Variants in ADK observed in about 807,000 individuals in gnomAD.
The protein encoded by ADK is N6,N6-dimethyladenosine kinase.
ADK carries 24 observed loss-of-function variants against 44.7 expected under a neutral mutation model. The observed-to-expected ratio is 0.54, with a 90% CI of 0.39 to 0.76. The LOEUF (loss-of-function observed/expected upper bound fraction) is 0.76, where lower values mean the gene tolerates loss of function less well. Ranked by LOEUF, ADK falls within the 30% of genes least tolerant of loss-of-function variation. The probability of loss-of-function intolerance (pLI) is 0.00; values close to 1 mark genes in which losing one functional copy is unlikely to be tolerated. For synonymous variants in ADK, 128 were observed against 142.6 expected (o/e 0.90, Z 0.73); for missense variants, 321 against 425.1 (o/e 0.76, Z 2.15).
intron 10 of ADK, among the ~76,000 whole-genome samples, chr10:74,678,866 C>T (rs768672289): frequency 7.9e-5 from 12 of 152,200 alleles, no homozygotes; most frequent in Non-Finnish European, 1.5e-4. Context: ...CTAAAATTCT[C>T]TCAGCTGCTA....
chr10:74,610,792 C>CTACTAATGA (rs1156770038), intron 9 of ADK, among the ~76,000 whole-genome samples: 1 of 151,964 alleles, frequency 6.6e-6, no homozygotes, highest in East Asian at 1.9e-4. Flanking sequence ...TGGAGAGCAA[C>CTACTAATGA]TACTAATGAG....
intron 7 of ADK, among the ~76,000 whole-genome samples, chr10:74,547,066 C>T (rs548403096): frequency 2.0e-4 from 30 of 152,150 alleles, no homozygotes; most frequent in African/African-American, 6.7e-4. Context: ...ATTCCACACA[C>T]TTTTTATTTT....
chr10:74,179,256 T>A (rs939397431), intron 1 of ADK, among the ~76,000 whole-genome samples: 1 of 152,190 alleles, frequency 6.6e-6, no homozygotes, highest in Non-Finnish European at 1.5e-5. Context: ...AATTATGTCA[T>A]ATCTTTAGTT....
intron 7 of ADK, among the ~76,000 whole-genome samples, chr10:74,587,107 A>G (rs1851556065): frequency 6.6e-6 from 1 of 152,148 alleles, no homozygotes; most frequent in African/African-American, 2.4e-5. Context: ...ATGAAGTTCC[A>G]TATAAATAAG....
chr10:74,463,183 G>A (rs1023114557), intron 6 of ADK, among the ~76,000 whole-genome samples: 7 of 152,042 alleles, frequency 4.6e-5, no homozygotes, highest in South Asian at 2.1e-4. Context: ...GGACTGTTTC[G>A]TGGAAGATCA....
At chr10:74,676,647 CAG>C (rs1354212863) in intron 10 of ADK, among the ~76,000 whole-genome samples, 1 of 151,982 alleles carries the variant, frequency 6.6e-6, no homozygotes, top group East Asian at 1.9e-4. Context: ...TTTGTAGAGA[CAG>C]AGTCTCACTC....
intron 4 of ADK, among the ~76,000 whole-genome samples, chr10:74,324,768 G>A (rs543048982): frequency 1.1e-3 from 174 of 152,312 alleles, no homozygotes; most frequent in Admixed American, 3.1e-3. Context: ...GTACCCAGAA[G>A]TGGGATTGCT....
intron 6 of ADK, among the ~76,000 whole-genome samples, chr10:74,509,765 C>G (rs1848230377): frequency 6.6e-6 from 1 of 152,030 alleles, no homozygotes; most frequent in African/African-American, 2.4e-5. Flanking sequence ...CTCCAATATC[C>G]TCTGTTCTAC....
intron 3 of ADK, among the ~76,000 whole-genome samples, chr10:74,242,880 C>T (rs1000076484): frequency 2.0e-5 from 3 of 152,134 alleles, no homozygotes; most frequent in African/African-American, 7.2e-5. Context: ...CAGGGAAGAC[C>T]ACCTACTCTT....
At chr10:74,434,925 G>A (rs1036096029) in intron 6 of ADK, among the ~76,000 whole-genome samples, 1 of 152,196 alleles carries the variant, frequency 6.6e-6, no homozygotes, top group African/African-American at 2.4e-5. Flanking sequence ...AGCACCTGTG[G>A]TGAGTTGTTT....
At chr10:74,598,243 TAGA>T (rs943503230) in intron 8 of ADK, among the ~76,000 whole-genome samples, 2 of 152,130 alleles carry the variant, frequency 1.3e-5, no homozygotes, top group African/African-American at 4.8e-5. Flanking sequence ...GGAATTACTG[TAGA>T]AGGAGAAATA....
At chr10:74,617,421 T>C (rs1054630744) in intron 9 of ADK, among the ~76,000 whole-genome samples, 1 of 152,248 alleles carries the variant, frequency 6.6e-6, no homozygotes, top group Non-Finnish European at 1.5e-5. Context: ...TTGTTGTATT[T>C]CATCAGATAA....
chr10:74,422,115 T>C (rs972623998), intron 6 of ADK, among the ~76,000 whole-genome samples: 4 of 152,176 alleles, frequency 2.6e-5, no homozygotes, highest in Non-Finnish European at 5.9e-5. Flanking sequence ...AGAAAGCTGG[T>C]AAACAACTAT....
At chr10:74,348,769 C>T (rs1339169231) in intron 4 of ADK, among the ~76,000 whole-genome samples, 1 of 151,010 alleles carries the variant, frequency 6.6e-6, no homozygotes, top group Non-Finnish European at 1.5e-5. Flanking sequence ...GAAGCATACA[C>T]AAGTATCAAT....
intron 1 of ADK, among the ~76,000 whole-genome samples, chr10:74,188,237 ACTT>A (rs1842827407): frequency 1.3e-5 from 2 of 151,488 alleles, no homozygotes; most frequent in South Asian, 2.1e-4. Flanking sequence ...TGATGTTGGT[ACTT>A]CTTTTGAATT....
chr10:74,177,945 A>ATATATATATTTTTT (rs10693309), intron 1 of ADK, among the ~76,000 whole-genome samples: 1 of 109,008 alleles, frequency 9.2e-6, no homozygotes, highest in Non-Finnish European at 1.8e-5. Context: ...ATATATATAT[A>ATATATATATTTTTT]TTTTTTTTTT....
chr10:74,353,427 G>A (rs1842033124), intron 4 of ADK, among the ~76,000 whole-genome samples: 1 of 152,054 alleles, frequency 6.6e-6, no homozygotes, highest in African/African-American at 2.4e-5. Flanking sequence ...GTCAAGGGGA[G>A]GGAGAGGATT....
chr10:74,628,803 C>A (rs1340664738), intron 9 of ADK, among the ~76,000 whole-genome samples: 1 of 152,084 alleles, frequency 6.6e-6, no homozygotes, highest in African/African-American at 2.4e-5. Context: ...TTGTCAGGAA[C>A]TGGCAAGCAC....
chr10:74,450,035 T>C (rs1272201505), intron 6 of ADK, among the ~76,000 whole-genome samples: 1 of 152,112 alleles, frequency 6.6e-6, no homozygotes, highest in Non-Finnish European at 1.5e-5. Context: ...GCCAGGCACA[T>C]TGTCTCACAT....
Sources: gnomAD v4.1 joint callset for allele counts (sites outside exome capture counted in the v4.1 genomes callset) on GRCh38, gnomAD v4.1.1 for gene constraint, MANE v1.5 for transcripts, NCBI Gene and HGNC (gene_info 2026-07-23, HGNC 2026-07-21) for gene names.